L3MBTL4: variants seen among roughly 807,000 people sequenced by gnomAD.
L3MBTL4 encodes L3MBTL histone methyl-lysine binding protein 4, also known as lethal(3)malignant brain tumor-like protein 4.
L3MBTL4 carries 70 observed loss-of-function variants against 84.5 expected under a neutral mutation model. That is an observed-to-expected ratio of 0.83 (90% confidence interval 0.68 to 1.01). The LOEUF (loss-of-function observed/expected upper bound fraction) is 1.01, where lower values mean the gene tolerates loss of function less well. Among genes scored for constraint, L3MBTL4 ranks in the 50% least tolerant of loss-of-function variants. The pLI is 0.00. For missense variants in L3MBTL4, 715 were observed against 754.8 expected, an observed-to-expected ratio of 0.95 and a Z score of 0.62; for synonymous variants, 274 against 259.8, an observed-to-expected ratio of 1.05 and a Z score of -0.52.
intron 1 of L3MBTL4, among the ~76,000 whole-genome samples, chr18:6,363,586 A>G (rs906122537): frequency 5.3e-5 from 8 of 152,216 alleles, no homozygotes; most frequent in Non-Finnish European, 1.2e-4. Flanking sequence ...CTGAGGGCTT[A>G]CTCCTTGCCA....
intron 14 of L3MBTL4, among the ~76,000 whole-genome samples, chr18:6,097,834 T>C (rs1193400965): frequency 1.3e-5 from 2 of 152,182 alleles, no homozygotes; most frequent in African/African-American, 4.8e-5. Flanking sequence ...GTTCCTACTT[T>C]GTTTTTGCCA....
chr18:6,101,843 AT>A, intron 14 of L3MBTL4, among the ~76,000 whole-genome samples: 1 of 152,150 alleles, frequency 6.6e-6, no homozygotes, highest in Non-Finnish European at 1.5e-5. Flanking sequence ...AGGAGCCATT[AT>A]TTCTTTCTTC....
intron 13 of L3MBTL4, among the ~76,000 whole-genome samples, chr18:6,163,300 T>TGTGG (rs1230624056): frequency 8.0e-6 from 1 of 125,458 alleles, no homozygotes; most frequent in African/African-American, 4.0e-5. Flanking sequence ...TGTGTGTGTG[T>TGTGG]GTGTGTGGGT....
chr18:6,046,408 T>A (rs1365757648), intron 16 of L3MBTL4, among the ~76,000 whole-genome samples: 2 of 152,214 alleles, frequency 1.3e-5, no homozygotes, highest in Admixed American at 1.3e-4. Context: ...CAAGTAGACC[T>A]AATAGGCATC....
chr18:6,105,580 C>G (rs934028675), intron 14 of L3MBTL4, among the ~76,000 whole-genome samples: 3 of 151,634 alleles, frequency 2.0e-5, no homozygotes, highest in African/African-American at 7.3e-5. Flanking sequence ...AGGCAGATCT[C>G]CTGAGGTCAG....
chr18:6,241,537 G>T, intron 7 of L3MBTL4, 88 bp from the exon 8 acceptor site: 6 of 690,862 alleles, frequency 8.7e-6, no homozygotes, highest in Non-Finnish European at 9.8e-6. Context: ...AGTAAGTGCG[G>T]TTTTGGCCAT....
At chr18:6,108,694 G>C (rs953848533) in intron 14 of L3MBTL4, among the ~76,000 whole-genome samples, 6 of 151,874 alleles carry the variant, frequency 4.0e-5, no homozygotes, top group Non-Finnish European at 7.4e-5. Context: ...TCCTCCTCTG[G>C]GCCTTCTGAG....
At chr18:5,991,061 T>C (rs1237750008) in intron 16 of L3MBTL4, among the ~76,000 whole-genome samples, 1 of 152,182 alleles carries the variant, frequency 6.6e-6, no homozygotes, top group African/African-American at 2.4e-5. Context: ...ATCTTGCTGG[T>C]AGCCTCTGTT....
At chr18:6,255,517 G>A (rs1307236331) in intron 5 of L3MBTL4, among the ~76,000 whole-genome samples, 1 of 152,160 alleles carries the variant, frequency 6.6e-6, no homozygotes, top group African/African-American at 2.4e-5. Flanking sequence ...CGGGAAATGA[G>A]CATGAATGGG....
intron 13 of L3MBTL4, among the ~76,000 whole-genome samples, chr18:6,170,588 G>A (rs1307843361): frequency 6.6e-6 from 1 of 152,118 alleles, no homozygotes; most frequent in African/African-American, 2.4e-5. Context: ...GAAAAGCCAG[G>A]TGGGTAGAGT....
intron 16 of L3MBTL4, among the ~76,000 whole-genome samples, chr18:6,053,622 T>C (rs770418091): frequency 1.3e-5 from 2 of 152,218 alleles, no homozygotes; most frequent in African/African-American, 2.4e-5. Context: ...CCAAGGATAG[T>C]TGCTTCAAAA....
intron 18 of L3MBTL4, 143 bp downstream of exon 18, chr18:5,959,951 A>T: frequency 4.4e-6 from 1 of 228,106 alleles, no homozygotes; most frequent in Non-Finnish European, 8.5e-6. Context: ...AATTGTACTT[A>T]TTTACACTTA....
intron 4 of L3MBTL4, among the ~76,000 whole-genome samples, chr18:6,295,255 A>G (rs1193854462): frequency 6.6e-6 from 1 of 151,226 alleles, no homozygotes; most frequent in East Asian, 1.9e-4. Flanking sequence ...CTGGGCAACA[A>G]GAGTGAAACT....
intron 12 of L3MBTL4, among the ~76,000 whole-genome samples, chr18:6,197,873 G>A (rs79090538): frequency 0.022 from 3,355 of 152,298 alleles, 112 homozygotes; most frequent in African/African-American, 0.077. Flanking sequence ...GAAGTAATGC[G>A]AAGCTTTGAC....
chr18:6,286,764 G>T (rs2049610575), intron 4 of L3MBTL4, among the ~76,000 whole-genome samples: 1 of 151,996 alleles, frequency 6.6e-6, no homozygotes, highest in African/African-American at 2.4e-5. Context: ...TTCCCTCCAG[G>T]TCACCTCTCT....
At chr18:6,395,593 G>A (rs1012925315) in intron 1 of L3MBTL4, 4 of 152,128 alleles carry the variant, frequency 2.6e-5, no homozygotes, top group Non-Finnish European at 5.9e-5. Context: ...GCCATATGAT[G>A]TATTAATTTT....
intron 16 of L3MBTL4, among the ~76,000 whole-genome samples, chr18:6,068,498 C>G (rs1389573696): frequency 2.0e-5 from 3 of 152,176 alleles, no homozygotes; most frequent in Non-Finnish European, 2.9e-5. Context: ...CCCAGTATTC[C>G]AGCTATTCAG....
chr18:6,367,117 C>T (rs751318692), intron 1 of L3MBTL4: 5 of 152,290 alleles, frequency 3.3e-5, no homozygotes, highest in Non-Finnish European at 7.3e-5. Flanking sequence ...CTGGAGCCTA[C>T]CTTTCTGTCG....
intron 1 of L3MBTL4, among the ~76,000 whole-genome samples, chr18:6,353,711 C>A (rs904173935): frequency 6.6e-6 from 1 of 151,552 alleles, no homozygotes; most frequent in African/African-American, 2.4e-5. Flanking sequence ...AAATTAAATA[C>A]CTAGGAATTA....
Sources: gnomAD v4.1 joint callset for allele counts (sites outside exome capture counted in the v4.1 genomes callset) on GRCh38, gnomAD v4.1.1 for gene constraint, MANE v1.5 for transcripts, NCBI Gene and HGNC (gene_info 2026-07-23, HGNC 2026-07-21) for gene names.